The following PHACTR1 variants were observed in gnomAD, a reference collection of about 807,000 sequenced individuals.
PHACTR1 encodes the protein phosphatase and actin regulator 1, also known as RPEL repeat containing 1.
In PHACTR1, 16 loss-of-function variants were observed where a neutral mutation model predicts 69.2. That is an observed-to-expected ratio of 0.23 (90% CI 0.16 to 0.35). The LOEUF is 0.35. PHACTR1 is among the 10% of genes least tolerant of loss of function. PHACTR1 has a pLI of 1.00. For missense variants in PHACTR1, 510 were observed against 734.7 expected (o/e 0.69, Z 3.54); for synonymous variants, 312 against 284.5 (o/e 1.10, Z -0.97).
intron 4 of PHACTR1, among the ~76,000 whole-genome samples, chr6:12,853,720 A>G (rs1252052744): frequency 6.6e-6 from 1 of 152,360 alleles, no homozygotes; most frequent in Middle Eastern, 3.4e-3. Context: ...TTATAAACCC[A>G]TCAGATCTTG....
At chr6:13,238,707 CACCT>C (rs1772372234) in intron 10 of PHACTR1, among the ~76,000 whole-genome samples, 1 of 152,134 alleles carries the variant, frequency 6.6e-6, no homozygotes, top group South Asian at 2.1e-4. Context: ...GACACACCGA[CACCT>C]AGCTCCAAAG....
rs531225757 is a variant in PHACTR1 at position 13,150,360 on chromosome 6, T to C, written c.416-9844T>C. Among the ~76,000 whole-genome samples, 52 of 152,228 alleles carry C rather than the reference T, an allele frequency of 3.4e-4. 1 individual carries two copies. The highest frequency in any genetic ancestry group is 1.1e-3 in the African/African-American group (47 of 41,542). ...CTGCCTCAGAAAATAATAATAATAA[T>C]AATAAATTTTCTTTCATTTTGAATT... On this transcript the variant is annotated intron_variant, in intron 5 of 14. Coordinates refer to ENST00000332995, the MANE Select transcript of PHACTR1 (RefSeq NM_030948.6).
chr6:13,132,388 T>C (rs1820599952), intron 5 of PHACTR1, among the ~76,000 whole-genome samples: 1 of 152,202 alleles, frequency 6.6e-6, no homozygotes, highest in South Asian at 2.1e-4. Context: ...TTATCAGCTT[T>C]CTCTAGAGAC....
chr6:12,921,482 A>T (rs111395058), intron 4 of PHACTR1, among the ~76,000 whole-genome samples: 40,620 of 134,518 alleles, frequency 0.3, 6,330 homozygotes, highest in Middle Eastern at 0.38. Flanking sequence ...GAAGGAAGGA[A>T]GGAGGGAAGG....
rs781418791 is a variant in PHACTR1, at chr6:13,228,049, G to C, written c.1220G>C (p.Ser407Thr). 1 of 1,612,242 alleles carries C rather than the reference G, an allele frequency of 6.2e-7. No individual in the cohort carries two copies. Among genetic ancestry groups the C allele is most frequent in the Admixed American group, 1.7e-5 (1 of 60,020 alleles). The change falls in exon 9 of 15, where the codon AGC becomes ACC. Residue 407 changes from serine (S) to threonine (T), a missense_variant. Ser to Thr is a moderately conservative substitution (Grantham distance 58). Coordinates refer to ENST00000332995, the MANE Select transcript of PHACTR1 (RefSeq NM_030948.6). ...GAGGAGGAGGACGAAGACGACGACA[G>C]CTCATTATACACCAGTGCGTTCATC... ...EEEEEDEDDDSSLYTSSLAMK... is the reference protein window; with the variant it reads ...EEEEEDEDDDTSLYTSSLAMK...
chr6:13,027,996 G>T (rs1801945021), intron 4 of PHACTR1, among the ~76,000 whole-genome samples: 1 of 152,202 alleles, frequency 6.6e-6, no homozygotes, highest in South Asian at 2.1e-4. Context: ...GATCACACTA[G>T]GGTGGAAAAC....
intron 4 of PHACTR1, among the ~76,000 whole-genome samples, chr6:12,775,470 T>G (rs1360941041): frequency 1.3e-5 from 2 of 152,230 alleles, no homozygotes; most frequent in Non-Finnish European, 2.9e-5. Flanking sequence ...CTAATGTGAC[T>G]GCACAGTGCC....
At chr6:13,141,743 T>TG (rs397808436) in intron 5 of PHACTR1, among the ~76,000 whole-genome samples, 2 of 147,998 alleles carry the variant, frequency 1.4e-5, no homozygotes, top group African/African-American at 5.0e-5. Context: ...TTTTTTTTTT[T>TG]GTTGTGCTTG....
intron 11 of PHACTR1, among the ~76,000 whole-genome samples, chr6:13,277,289 T>C (rs1779116821): frequency 6.6e-6 from 1 of 151,534 alleles, no homozygotes; most frequent in African/African-American, 2.5e-5. Flanking sequence ...GCAAGAGCTT[T>C]CAGGCTCTGC....
chr6:12,883,932 C>T (rs1783364712), intron 4 of PHACTR1, among the ~76,000 whole-genome samples: 1 of 151,880 alleles, frequency 6.6e-6, no homozygotes, highest in South Asian at 2.1e-4. Flanking sequence ...ACACACATGC[C>T]CATACATACA....
intron 3 of PHACTR1, among the ~76,000 whole-genome samples, chr6:12,723,994 A>G (rs935382024): frequency 2.0e-5 from 3 of 152,244 alleles, no homozygotes; most frequent in East Asian, 3.8e-4. Context: ...CTTCCACTTT[A>G]AATGAATTTG....
intron 11 of PHACTR1, among the ~76,000 whole-genome samples, chr6:13,276,994 C>T (rs758283963): frequency 3.3e-5 from 5 of 152,172 alleles, no homozygotes; most frequent in African/African-American, 9.7e-5. Flanking sequence ...CTTTTACTAA[C>T]GCCATTTGAA....
intron 4 of PHACTR1, among the ~76,000 whole-genome samples, chr6:12,913,809 G>C (rs9463266): frequency 0.015 from 2,234 of 152,234 alleles, 50 homozygotes; most frequent in African/African-American, 0.051. Flanking sequence ...ACACGTCACT[G>C]TTCACAAACA....
At chr6:12,939,194 C>T (rs569981219) in intron 4 of PHACTR1, among the ~76,000 whole-genome samples, 129 of 152,234 alleles carry the variant, frequency 8.5e-4, no homozygotes, top group African/African-American at 3.0e-3. Context: ...TAATGAGTAA[C>T]CATTGGAAAA....
At chr6:12,768,553 T>C (rs1768967029) in intron 4 of PHACTR1, among the ~76,000 whole-genome samples, 2 of 124,402 alleles carry the variant, frequency 1.6e-5, no homozygotes, top group African/African-American at 5.0e-5. Context: ...GGTGGATTAG[T>C]ATGAAGGGGC....
intron 4 of PHACTR1, among the ~76,000 whole-genome samples, chr6:13,051,545 C>T (rs1805944684): frequency 6.6e-6 from 1 of 152,156 alleles, no homozygotes; most frequent in Non-Finnish European, 1.5e-5. Flanking sequence ...CCTTGAAGTC[C>T]CTAGATGTTC....
chr6:13,079,257 G>A (rs929447806), intron 5 of PHACTR1, among the ~76,000 whole-genome samples: 1 of 152,118 alleles, frequency 6.6e-6, no homozygotes, highest in Non-Finnish European at 1.5e-5. Flanking sequence ...TTTGGGCATC[G>A]CAGAGATGGA....
At chr6:12,979,729 C>CAA (rs761107919) in intron 4 of PHACTR1, among the ~76,000 whole-genome samples, 4 of 127,854 alleles carry the variant, frequency 3.1e-5, no homozygotes, top group East Asian at 2.3e-4. Context: ...CCCCCTCCTC[C>CAA]AAAAAAAAAA....
rs1369617995 is a variant in PHACTR1, at chr6:12,966,808, AAT to A, written c.251-86550_251-86549del. On this transcript the variant is annotated intron_variant, in intron 4 of 14. Transcript: ENST00000332995. ...GAAATTTCAGTGTTTCCTAGAATAT[AAT>A]ATATATTACTGAGAAGTGACTCTTG... 2.0e-5 allele frequency among the ~76,000 whole-genome samples: 3 copies of A among 152,272 alleles called. No homozygotes were observed. In the East Asian group the frequency reaches 5.8e-4, roughly 29 times the overall value.
Sources: allele counts gnomAD v4.1 joint callset (sites outside exome capture counted in the v4.1 genomes callset), GRCh38; gene constraint gnomAD v4.1.1; transcripts MANE v1.5; gene names NCBI Gene and HGNC (gene_info 2026-07-23, HGNC 2026-07-21).